The following BEAN1 variants were observed in gnomAD, a reference collection of about 807,000 sequenced individuals.
BEAN1 encodes the protein brain expressed associated with NEDD4 1, also known as protein BEAN1.
In BEAN1, 17 loss-of-function variants were observed where a neutral mutation model predicts 17.7. The observed-to-expected ratio is 0.96, with a 90% CI of 0.66 to 1.44. The LOEUF is 1.44. Ranked by LOEUF, BEAN1 falls within the 40% of genes most tolerant of loss-of-function variation. The probability of loss-of-function intolerance (pLI) is 0.00; values close to 1 mark genes in which losing one functional copy is unlikely to be tolerated. For synonymous variants in BEAN1, 142 were observed against 151.8 expected (o/e 0.94, Z 0.47); for missense variants, 359 against 374.1 (o/e 0.96, Z 0.33).
intron 1 of BEAN1, among the ~76,000 whole-genome samples, chr16:66,429,850 G>T (rs1283633417): frequency 6.6e-6 from 1 of 152,228 alleles, no homozygotes; most frequent in Non-Finnish European, 1.5e-5. Context: ...CACAGCCAGT[G>T]GGGAATGTGA....
intron 2 of BEAN1, among the ~76,000 whole-genome samples, chr16:66,457,785 C>CCA (rs1962929040): frequency 7.3e-6 from 1 of 137,458 alleles, no homozygotes; most frequent in South Asian, 2.3e-4. Context: ...AAAAGTTGCC[C>CCA]AAAAAAAAAA....
rs1349470860 is a variant in BEAN1, at chr16:66,480,839, C to A, written c.694C>A (p.Pro232Thr). Residue 232 changes from proline to threonine, a missense_variant, in exon 5 of 5, where the codon CCG (proline) becomes ACG (threonine). By Grantham distance (38) the Pro-to-Thr change is conservative (BLOSUM62 -1). Coordinates refer to ENST00000536005, the MANE Select transcript of BEAN1 (RefSeq NM_001178020.3). The part of the protein sequence containing the change: ...AGPPSGLLPL[P>T]GPDPGPRGSQ... ...CCCCCCATCAGGCCTGCTGCCACTG[C>A]CGGGCCCAGACCCAGGGCCAAGGGG... 2 of 1,527,536 alleles carry A rather than the reference C, an allele frequency of 1.3e-6. No homozygotes were observed. Among genetic ancestry groups the A allele is most frequent in the East Asian group, 5.0e-5 (2 of 40,350 alleles). The allele number at this position is 1,527,536 out of a possible 1,614,324, so 94.6% of individuals were successfully genotyped here.
intron 2 of BEAN1, chr16:66,451,239 T>C (rs1397475244): frequency 6.5e-6 from 1 of 153,032 alleles, no homozygotes; most frequent in Non-Finnish European, 1.5e-5. Flanking sequence ...CAGGCACCAG[T>C]ACAGACAGAT....
chr16:66,463,324 G>T (rs1471346768), intron 2 of BEAN1, among the ~76,000 whole-genome samples: 1 of 152,118 alleles, frequency 6.6e-6, no homozygotes, highest in South Asian at 2.1e-4. Context: ...CTGTCTTTTT[G>T]ATTATAGCCA....
In BEAN1 at chr16:66,473,874, C is replaced by T. The variant is rs1014311776; in HGVS notation, c.290-3686C>T. Among the ~76,000 whole-genome samples, 1 of 152,060 alleles carries T rather than the reference C, an allele frequency of 6.6e-6. No individual in the cohort carries two copies. The highest frequency in any genetic ancestry group is 1.5e-5 in the Non-Finnish European group (1 of 67,998). On this transcript the variant is annotated intron_variant, in intron 3 of 4. Transcript: ENST00000536005. This position sits in a 1 kb window ranked among gnomAD's most constrained non-coding sequence, Gnocchi z 4.5. Reference sequence around the variant, plus strand: ...TCTCCCACCCCTCTGGCTGCGGATTCCTCTCCTCTGTCCCTTTATAAGTCA... The same window carrying T: ...TCTCCCACCCCTCTGGCTGCGGATTTCTCTCCTCTGTCCCTTTATAAGTCA...
At chr16:66,470,170 C>G (rs967975449) in intron 3 of BEAN1, 11 of 344,694 alleles carry the variant, frequency 3.2e-5, no homozygotes, top group Middle Eastern at 7.4e-4. Context: ...TCTGGTGTCT[C>G]GATGGATGGA....
chr16:66,427,455 C>T lies in BEAN1; in HGVS notation c.-83+24C>T, dbSNP rs1236289944. 6.9e-6 allele frequency: 1 copy of T among 144,410 alleles called. No homozygotes were observed. The highest frequency in any genetic ancestry group is 1.5e-5 in the Non-Finnish European group (1 of 65,274). 8.9% of individuals were successfully genotyped at this position (144,410 alleles called of 1,614,324 possible). A position where few individuals can be genotyped will look rare whatever the true frequency, so the allele number is the denominator to read the frequency against. On this transcript the variant is annotated intron_variant, in intron 1 of 4. Transcript: ENST00000536005. This position sits in a 1 kb window ranked among gnomAD's most constrained non-coding sequence, Gnocchi z 4.7. Reference sequence around the variant, plus strand: ...GAGTAAGGGGCGTGGGGCTGGGCGGCGCGGGGGAGGGGCGGGCGGGGGGTC... The same window carrying T: ...GAGTAAGGGGCGTGGGGCTGGGCGGTGCGGGGGAGGGGCGGGCGGGGGGTC...
rs913098241 is a variant in BEAN1 at position 66,492,104 on chromosome 16, C to T, written c.148-858C>T. The stretch of plus-strand genomic sequence containing the variant: ...TCACCCAGGCTGGAGTACAGTGGCG[C>T]GATCTTGGCTCACTGCAACTTCTGC... On this transcript the variant is annotated intron_variant, in intron 4 of 4. Coordinates refer to the BEAN1 transcript ENST00000561796. Among the ~76,000 whole-genome samples, 3 of 152,058 alleles carry T rather than the reference C, an allele frequency of 2.0e-5. No homozygotes were observed. In the East Asian group the frequency reaches 5.8e-4, roughly 29 times the overall value.
intron 2 of BEAN1, among the ~76,000 whole-genome samples, chr16:66,453,748 CA>C (rs1202360703): frequency 3.4e-5 from 5 of 148,046 alleles, no homozygotes; most frequent in East Asian, 2.0e-4. Context: ...TTTTTTGGGT[CA>C]GGGGGACAGA....
At chr16:66,493,483 G>A in exon 5 of BEAN1, 1 of 600,978 alleles carries the variant, frequency 1.7e-6, no homozygotes, top group Non-Finnish European at 3.0e-6. Flanking sequence ...ACAGTGAGGA[G>A]GTCCTGCCTT....
chr16:66,490,396 C>CAATAAAATAAAATAAAATAAGATAA (rs1964149905), intron 4 of BEAN1, among the ~76,000 whole-genome samples: 1 of 67,602 alleles, frequency 1.5e-5, no homozygotes, highest in South Asian at 5.3e-4. Flanking sequence ...GACTCTGTTT[C>CAATAAAATAAAATAAAATAAGATAA]AATAAAATAA....
At chr16:66,495,115 G>A (rs555036935), downstream of BEAN1, among the ~76,000 whole-genome samples, 3 of 152,184 alleles carry the variant, frequency 2.0e-5, no homozygotes, top group Non-Finnish European at 2.9e-5. Context: ...TAAGACCAAG[G>A]GGGGGCCTCA....
downstream of BEAN1, chr16:66,485,134 C>T: frequency 2.2e-6 from 1 of 453,476 alleles, no homozygotes; most frequent in South Asian, 1.6e-5. Flanking sequence ...CTGTTCACAG[C>T]CACCACGAGG....
chr16:66,486,781 A>G (rs1034392125), downstream of BEAN1, among the ~76,000 whole-genome samples: 1 of 152,236 alleles, frequency 6.6e-6, no homozygotes, highest in African/African-American at 2.4e-5. Context: ...TGACAGGGAC[A>G]GGCCCTACCC....
intron 4 of BEAN1, 92 bp from the exon 5 acceptor site, chr16:66,480,494 C>T (rs111807287): frequency 6.6e-6 from 7 of 1,052,884 alleles, no homozygotes; most frequent in African/African-American, 4.9e-5. Flanking sequence ...ACAGCCAGGA[C>T]AGCTTGTCAC....
rs942734630 is a variant in BEAN1, at chr16:66,434,816, C to A, written c.-82-2779C>A. 6.6e-6 allele frequency among the ~76,000 whole-genome samples: 1 copy of A among 152,146 alleles called. No homozygotes were observed. The highest frequency in any genetic ancestry group is 2.4e-5 in the African/African-American group (1 of 41,436). On this transcript the variant is annotated intron_variant, in intron 1 of 4. Transcript: ENST00000536005. The surrounding 1 kb of genome is among the most constrained non-coding windows in gnomAD (Gnocchi z 4.3). ...AGGCAGCCTCCACCCCTCAGTCGTG[C>A]GCTTGCATCAGGCTGAGGTTGGCTT...
chr16:66,440,088 C>T (rs972544608), intron 2 of BEAN1, among the ~76,000 whole-genome samples: 1 of 151,206 alleles, frequency 6.6e-6, no homozygotes, highest in Non-Finnish European at 1.5e-5. Flanking sequence ...CCATGGTTTC[C>T]ATTTCTCAGC....
At chr16:66,476,586 C>T (rs978356589) in intron 3 of BEAN1, among the ~76,000 whole-genome samples, 6 of 152,204 alleles carry the variant, frequency 3.9e-5, no homozygotes, top group African/African-American at 1.4e-4. Context: ...CCACTGTTCC[C>T]ATCCAGGACG....
intron 1 of BEAN1, among the ~76,000 whole-genome samples, chr16:66,429,346 C>T (rs1336107955): frequency 6.6e-6 from 1 of 152,150 alleles, no homozygotes; most frequent in Non-Finnish European, 1.5e-5. Flanking sequence ...AGCAGGGTGT[C>T]CCCAGGAAGG....
Sources: gnomAD v4.1 joint callset for allele counts (sites outside exome capture counted in the v4.1 genomes callset) on GRCh38, gnomAD v4.1.1 for gene constraint, Gnocchi (gnomAD v3.1) non-coding constraint, MANE v1.5 for transcripts, NCBI Gene and HGNC (gene_info 2026-07-23, HGNC 2026-07-21) for gene names.